SNX19: variants seen among roughly 807,000 people sequenced by gnomAD.
SNX19 encodes the protein sorting nexin 19, also known as sorting nexin-19.
In SNX19, 60 loss-of-function variants were observed where a neutral mutation model predicts 85.2. The ratio of observed to expected loss-of-function variants is 0.70; its 90% CI spans 0.57 to 0.87. SNX19 has a LOEUF of 0.87. Among genes scored for constraint, SNX19 ranks in the 40% least tolerant of loss-of-function variants. The pLI, the probability that SNX19 is intolerant of heterozygous loss-of-function variation, is 0.00. For synonymous variants in SNX19, 520 were observed against 470.0 expected (o/e 1.11, Z -1.38); for missense variants, 1,201 against 1,217.8 (o/e 0.99, Z 0.21).
At position 130,916,198 on chromosome 11, in the gene SNX19, G is replaced by T; in HGVS notation, c.-259C>A. ...TGTGGCTTTGGAGGAAAACTCTGTG[G>T]CCTTCACACTGCCCCAGGCGGAAGG... On this transcript the variant is annotated 5_prime_UTR_variant, in exon 1 of 11. Transcript: ENST00000265909. 1.9e-6 allele frequency: 1 copy of T among 513,256 alleles called. No homozygotes were observed. Among genetic ancestry groups the T allele is most frequent in the South Asian group, 2.4e-5 (1 of 41,392 alleles). 31.8% of individuals were successfully genotyped at this position (513,256 alleles called of 1,614,324 possible).
At chr11:130,911,181 C>T (rs891207528) in intron 2 of SNX19, among the ~76,000 whole-genome samples, 2 of 141,736 alleles carry the variant, frequency 1.4e-5, no homozygotes, top group African/African-American at 5.2e-5. Context: ...GGGGACAGAG[C>T]GAGACTCCAT....
rs1451151150 is a variant in SNX19, at chr11:130,881,437, T to C, written c.2574-631A>G. 2.6e-5 allele frequency among the ~76,000 whole-genome samples: 4 copies of C among 152,200 alleles called. No homozygotes were observed. The East Asian group carries it at 5.8e-4, about 22-fold the overall frequency. ...CCGTCTCTGGGTGAGCCTGCACCTA[T>C]ACCTTCCCAACTCTCCTCTGGCAAG... On this transcript the variant is annotated intron_variant, in intron 8 of 10. Transcript: ENST00000265909.
chr11:130,885,054 ATC>A lies in SNX19; in HGVS notation c.2574-4250_2574-4249del, dbSNP rs1288983283. Among the ~76,000 whole-genome samples, 6 of 152,270 alleles carry A rather than the reference ATC, an allele frequency of 3.9e-5. No homozygotes were observed. The East Asian group carries it at 1.2e-3, about 29-fold the overall frequency. On this transcript the variant is annotated intron_variant, in intron 8 of 10. Transcript: ENST00000265909. ...CAGGTCTGATATTTGATTTAGAGAT[ATC>A]TCTTTCTATTATCCTGCCTTCATCC...
At chr11:130,893,864 C>T in intron 8 of SNX19, 1 of 700,794 alleles carries the variant, frequency 1.4e-6, no homozygotes, top group South Asian at 1.5e-5. Flanking sequence ...AAGTATATTT[C>T]CCACCAATTT....
chr11:130,894,603 C>T, intron 8 of SNX19: 1 of 982,604 alleles, frequency 1.0e-6, no homozygotes, highest in African/African-American at 1.7e-5. Flanking sequence ...GCAGCGCCAC[C>T]TGGTGCCCAT....
Position 130,871,213 on chromosome 11 carries a change from TTC to T in SNX19, c.*7207_*7208del, listed in dbSNP as rs1339668886. ...TCCTGCCTAAACCATCTATAATACA[TTC>T]TGTCCCCAAGAAAATGCTCTACTGC... On this transcript the variant is annotated 3_prime_UTR_variant, in exon 11 of 11. Transcript: ENST00000265909. Among the ~76,000 whole-genome samples the T allele has an allele frequency of 1.3e-5, 2 of 152,188 alleles. No individual in the cohort carries two copies. Among genetic ancestry groups the T allele is most frequent in the Non-Finnish European group, 2.9e-5 (2 of 68,036 alleles).
At chr11:130,903,577 T>C (rs529637287) in intron 7 of SNX19, among the ~76,000 whole-genome samples, 193 bp from the exon 8 acceptor site, 11 of 152,184 alleles carry the variant, frequency 7.2e-5, no homozygotes, top group Non-Finnish European at 1.6e-4. Flanking sequence ...CAGCATTTCT[T>C]TACAATTTTT....
chr11:130,899,226 G>A (rs1477209957), intron 8 of SNX19, among the ~76,000 whole-genome samples: 2 of 152,176 alleles, frequency 1.3e-5, no homozygotes, highest in African/African-American at 2.4e-5. Flanking sequence ...CAGCAAATGT[G>A]CTGATGCTGA....
intron 8 of SNX19, among the ~76,000 whole-genome samples, chr11:130,889,398 A>C (rs1014575840): frequency 1.3e-5 from 2 of 151,992 alleles, no homozygotes; most frequent in Non-Finnish European, 2.9e-5. Flanking sequence ...CCGACCCCCC[A>C]GAAAAAGACT....
At chr11:130,906,163 T>C (rs779421008) in intron 6 of SNX19, 30 bp from the exon 7 acceptor site, 4 of 1,604,004 alleles carry the variant, frequency 2.5e-6, no homozygotes, top group Admixed American at 1.7e-5. Flanking sequence ...ATATCACATA[T>C]GGAATGCTGA....
chr11:130,890,260 T>A (rs1944405046), intron 8 of SNX19, among the ~76,000 whole-genome samples: 1 of 152,146 alleles, frequency 6.6e-6, no homozygotes, highest in Admixed American at 6.5e-5. Flanking sequence ...CTCCTCAATA[T>A]CTCATGAATC....
At chr11:130,903,432 T>C (rs1565536802) in intron 7 of SNX19, 48 bp from the exon 8 acceptor site, 1 of 1,590,246 alleles carries the variant, frequency 6.3e-7, no homozygotes, top group South Asian at 1.1e-5. Context: ...GACCCATACT[T>C]GAGGAACATC....
rs768035298 is a variant in SNX19, at chr11:130,878,338, G to A, written c.*84C>T. On this transcript the variant is annotated 3_prime_UTR_variant, in exon 11 of 11. Transcript: ENST00000265909. ...AGGCCTTCTTAGCTGTAGCCTACTT[G>A]AAGAGGGCACGGGCTTCCTGACTGG... 6.8e-7 allele frequency: 1 copy of A among 1,470,500 alleles called. No homozygotes were observed. The highest frequency in any genetic ancestry group is 9.1e-7 in the Non-Finnish European group (1 of 1,093,738). 91.1% of individuals were successfully genotyped at this position (1,470,500 alleles called of 1,614,324 possible).
At position 130,875,531 on chromosome 11, in the gene SNX19, C is replaced by T. The variant is rs1327768859; in HGVS notation, c.*2891G>A. On this transcript the variant is annotated 3_prime_UTR_variant, in exon 11 of 11. Transcript: ENST00000265909. ...AGATCTCACATTATGTGTTTCTTTACAACAATAAGAAAATCACCTTGTAAA... is the reference window on the plus strand; with the variant it reads ...AGATCTCACATTATGTGTTTCTTTATAACAATAAGAAAATCACCTTGTAAA... 1.4e-5 allele frequency: 2 copies of T among 146,920 alleles called. No individual in the cohort carries two copies. Among genetic ancestry groups the T allele is most frequent in the Non-Finnish European group, 3.0e-5 (2 of 66,384 alleles). 9.1% of individuals were successfully genotyped at this position (146,920 alleles called of 1,614,324 possible).
chr11:130,906,677 C>T lies in SNX19; in HGVS notation c.2210G>A (p.Ser737Asn), dbSNP rs773979279. 2 of 1,613,340 alleles carry T rather than the reference C, an allele frequency of 1.2e-6. No homozygotes were observed. The highest frequency in any genetic ancestry group is 2.7e-5 in the African/African-American group (2 of 75,040). ...FSSSKISPAL[S>N]VTEAQDKILY... Reference sequence around the variant, plus strand: ...AATCTTGTCTTGTGCTTCAGTCACACTTAGTGCTGGAGAAATTTTACTGGA... The same window carrying T: ...AATCTTGTCTTGTGCTTCAGTCACATTTAGTGCTGGAGAAATTTTACTGGA... The change falls in exon 6 of 11, where the codon AGT becomes AAT. Residue 737 changes from serine (S) to asparagine (N), a missense_variant. Physicochemically the swap from Ser to Asn is conservative, Grantham distance 46. Around this residue, in one of 3 missense-constraint regions of SNX19, gnomAD observed 125 missense variants for 171.6 expected, o/e 0.73. Transcript: ENST00000265909.
chr11:130,909,311 A>G (rs1945908938), intron 4 of SNX19, among the ~76,000 whole-genome samples: 1 of 152,208 alleles, frequency 6.6e-6, no homozygotes, highest in Non-Finnish European at 1.5e-5. Context: ...CACCTACTAC[A>G]TGAAATTCTA....
chr11:130,915,688 C>A lies in SNX19; in HGVS notation c.252G>T (p.Pro84=), dbSNP rs751921484. The change falls in exon 1 of 11, where the codon CCG becomes CCT. Residue 84 remains proline (P), a synonymous_variant. Transcript: ENST00000265909. ...SGRLHLERFI[P]LATCPPCPEA... The stretch of plus-strand genomic sequence containing the variant: ...CAGGGCATGGAGGACAGGTGGCCAA[C>A]GGGATGAAGCGTTCCAGATGCAGTC... 6.2e-7 allele frequency: 1 copy of A among 1,614,202 alleles called. No homozygotes were observed. Among genetic ancestry groups the A allele is most frequent in the South Asian group, 1.1e-5 (1 of 91,082 alleles).
At position 130,867,678 on chromosome 11, in the gene SNX19, G is replaced by C. The variant is rs970143906; in HGVS notation, c.*10744C>G. 2 of 152,204 alleles carry C rather than the reference G, an allele frequency of 1.3e-5. No homozygotes were observed. The highest frequency in any genetic ancestry group is 4.8e-5 in the African/African-American group (2 of 41,448). The allele number at this position is 152,204 out of a possible 1,614,324, so 9.4% of individuals were successfully genotyped here. The stretch of plus-strand genomic sequence containing the variant: ...TGAGGTGGAAGAAAATCTCTACTGA[G>C]ATGAGATGCATTTTTAGGACAAACA... On this transcript the variant is annotated 3_prime_UTR_variant, in exon 11 of 11. Transcript: ENST00000265909.
Position 130,876,283 on chromosome 11 carries a change from G to A in SNX19, c.*2139C>T, listed in dbSNP as rs1166916080. 6.6e-6 allele frequency: 1 copy of A among 152,192 alleles called. No homozygotes were observed. Among genetic ancestry groups the A allele is most frequent in the Non-Finnish European group, 1.5e-5 (1 of 68,034 alleles). 9.4% of individuals were successfully genotyped at this position (152,192 alleles called of 1,614,324 possible). On this transcript the variant is annotated 3_prime_UTR_variant, in exon 11 of 11. Transcript: ENST00000265909. ...TGTTACTCTCTTGTTGTCTGAACCT[G>A]CTAGCCAAACTTGGCAGGTCGTTTT... is the stretch of plus-strand genomic sequence containing the variant.
Sources: gnomAD v4.1 joint callset for allele counts (sites outside exome capture counted in the v4.1 genomes callset) on GRCh38, gnomAD v4.1.1 for gene constraint, gnomAD v4.1.1 regional missense constraint, MANE v1.5 for transcripts, NCBI Gene and HGNC (gene_info 2026-07-23, HGNC 2026-07-21) for gene names.